The following ALX1 variants were observed in gnomAD, a reference collection of about 807,000 sequenced individuals.
The protein encoded by ALX1 is ALX homeobox protein 1.
A neutral mutation model predicts 31.7 loss-of-function variants in ALX1; 19 were observed. The observed-to-expected ratio is 0.60, with a 90% CI of 0.42 to 0.88. ALX1 has a LOEUF of 0.88. ALX1 is among the 40% of genes least tolerant of loss of function. The pLI, the probability that ALX1 is intolerant of heterozygous loss-of-function variation, is 0.00. For missense variants in ALX1, 415 were observed against 407.8 expected (o/e 1.02, Z -0.15); for synonymous variants, 153 against 148.8 (o/e 1.03, Z -0.20).
At chr12:85,291,886 A>G (rs1488467409) in intron 3 of ALX1, among the ~76,000 whole-genome samples, 2 of 151,028 alleles carry the variant, frequency 1.3e-5, no homozygotes, top group African/African-American at 4.8e-5. Flanking sequence ...CCAGTCAGAG[A>G]GGTGTGGGTT....
chr12:85,294,574 A>G (rs1241504859), intron 3 of ALX1, among the ~76,000 whole-genome samples: 2 of 151,130 alleles, frequency 1.3e-5, no homozygotes, highest in African/African-American at 4.8e-5. Context: ...TATATCTTGG[A>G]CTTGGAGCAT....
At chr12:85,292,916 G>A (rs11116772) in intron 3 of ALX1, among the ~76,000 whole-genome samples, 21,775 of 150,002 alleles carry the variant, frequency 0.15, 3,164 homozygotes, top group African/African-American at 0.37. Context: ...CCAAATATTT[G>A]AAGTAAACAA....
intron 1 of ALX1, among the ~76,000 whole-genome samples, chr12:85,282,868 T>C (rs1270175772): frequency 1.3e-5 from 2 of 151,536 alleles, no homozygotes; most frequent in Non-Finnish European, 2.9e-5. Flanking sequence ...ATATGAAATG[T>C]TTTAAAAAGA....
Position 85,301,507 on chromosome 12 carries a change from G to A in ALX1, c.*32G>A, listed in dbSNP as rs773515091. On this transcript the variant is annotated 3_prime_UTR_variant, in exon 4 of 4. Transcript: ENST00000316824. Reference sequence around the variant, plus strand: ...GTACTCTTTTATTTTTCTTTTAATAGCAAAGTTAAACATTCTTATTTCTCA... The same window carrying A: ...GTACTCTTTTATTTTTCTTTTAATAACAAAGTTAAACATTCTTATTTCTCA... 6.2e-7 allele frequency: 1 copy of A among 1,600,076 alleles called. No homozygotes were observed. The highest frequency in any genetic ancestry group is 1.3e-5 in the African/African-American group (1 of 74,654).
chr12:85,292,123 T>A (rs1220738320), intron 3 of ALX1, among the ~76,000 whole-genome samples: 1 of 151,060 alleles, frequency 6.6e-6, no homozygotes, highest in African/African-American at 2.4e-5. Flanking sequence ...AATTTTGTTC[T>A]AAAGTACCTG....
At chr12:85,297,009 A>T (rs1435034024) in intron 3 of ALX1, among the ~76,000 whole-genome samples, 2 of 151,774 alleles carry the variant, frequency 1.3e-5, no homozygotes, top group Admixed American at 1.3e-4. Flanking sequence ...GTTGACAAAA[A>T]AGTAATAGGC....
rs1263900936 is a variant in ALX1, at chr12:85,280,379, T to C, written c.118T>C (p.Phe40Leu). Residue 40 changes from phenylalanine to leucine, a missense_variant, in exon 1 of 4, where the codon TTT becomes CTT. Physicochemically the swap from Phe to Leu is conservative, Grantham distance 22. This residue lies in a region of ALX1 where 235 missense variants were observed against 208.9 expected (regional missense o/e 1.13). Transcript: ENST00000316824. Reference protein sequence around the residue: ...HVMETLDNESFYSKASAGKCV... With the variant: ...HVMETLDNESLYSKASAGKCV... Reference sequence around the variant, plus strand: ...TATGGAGACGCTGGACAATGAGTCCTTTTACAGCAAAGCGTCTGCAGGCAA... The same window carrying C: ...TATGGAGACGCTGGACAATGAGTCCCTTTACAGCAAAGCGTCTGCAGGCAA... 1.2e-6 allele frequency: 2 copies of C among 1,613,944 alleles called. No homozygotes were observed. The highest frequency in any genetic ancestry group is 1.7e-6 in the Non-Finnish European group (2 of 1,180,026).
intron 1 of ALX1, 137 bp from the exon 2 acceptor site, chr12:85,283,435 G>A (rs1488945137): frequency 1.2e-6 from 1 of 851,868 alleles, no homozygotes; most frequent in Non-Finnish European, 1.9e-6. Context: ...ATAGAAATGT[G>A]GTAATTGAAT....
Position 85,283,768 on chromosome 12 carries a change from T to C in ALX1, c.423T>C (p.Ser141=). Residue 141 remains serine, a synonymous_variant, in exon 2 of 4, where the codon AGT becomes AGC. Coordinates refer to ENST00000316824, the MANE Select transcript of ALX1 (RefSeq NM_006982.3). ...GGAGGCACCGAACCACCTTCACCAG[T>C]TTGCAGCTAGAGGAGCTGGAGAAAG... ...KKRRHRTTFT[S]LQLEELEKVF... 4 of 1,614,042 alleles carry C rather than the reference T, an allele frequency of 2.5e-6. No homozygotes were observed. Among genetic ancestry groups the C allele is most frequent in the Non-Finnish European group, 3.4e-6 (4 of 1,179,994 alleles).
chr12:85,295,823 T>A (rs182237528), intron 3 of ALX1, among the ~76,000 whole-genome samples: 1 of 151,726 alleles, frequency 6.6e-6, no homozygotes, highest in African/African-American at 2.4e-5. Flanking sequence ...GAAGTAGAGT[T>A]AAATAAACTT....
At chr12:85,283,403 C>T (rs982271698) in intron 1 of ALX1, among the ~76,000 whole-genome samples, 169 bp from the exon 2 acceptor site, 1 of 152,136 alleles carries the variant, frequency 6.6e-6, no homozygotes, top group African/African-American at 2.4e-5. Flanking sequence ...GGTATTTAAA[C>T]CTGTCCTACA....
chr12:85,280,275 G>A lies in ALX1; in HGVS notation c.14G>A (p.Ser5Asn). The change falls in exon 1 of 4, where the codon AGC becomes AAC. Residue 5 changes from serine to asparagine, a missense_variant. Around this residue, in one of 3 missense-constraint regions of ALX1, gnomAD observed 235 missense variants for 208.9 expected, o/e 1.13. Transcript: ENST00000316824. MEFL[S>N]EKFALKSPPS... is the part of the protein sequence containing the mutation. ...TCTTCCAGGATTATGGAGTTTCTGA[G>A]CGAGAAGTTTGCCCTCAAGAGCCCT... is the stretch of plus-strand genomic sequence containing the variant. The A allele has an allele frequency of 1.2e-6, 2 of 1,613,338 alleles. No individual in the cohort carries two copies. Among genetic ancestry groups the A allele is most frequent in the African/African-American group, 1.3e-5 (1 of 75,012 alleles).
chr12:85,294,531 G>A (rs914075524), intron 3 of ALX1, among the ~76,000 whole-genome samples: 9 of 151,038 alleles, frequency 6.0e-5, no homozygotes, highest in Non-Finnish European at 1.0e-4. Context: ...TAAGAATACA[G>A]TCAACACCAA....
In ALX1 at chr12:85,301,390, C is replaced by T. The variant is rs1346744337; in HGVS notation, c.896C>T (p.Pro299Leu). The change falls in exon 4 of 4, where the codon CCA (proline) becomes CTA (leucine). Residue 299 changes from proline (P) to leucine (L), a missense_variant. Physicochemically the swap from Pro to Leu is moderately conservative, Grantham distance 98. Transcript: ENST00000316824. Reference protein sequence around the residue: ...ATNGHAFETKPEFERRSSSIA... With the variant: ...ATNGHAFETKLEFERRSSSIA... ...AATGGACATGCATTTGAAACAAAGC[C>T]AGAGTTTGAAAGGAGGTCTTCCAGT... The T allele has an allele frequency of 5.0e-6, 8 of 1,613,934 alleles. No homozygotes were observed. The highest frequency in any genetic ancestry group is 6.8e-6 in the Non-Finnish European group (8 of 1,179,992).
In ALX1 at chr12:85,283,603, G is replaced by C; in HGVS notation, c.258G>C (p.Gln86His). 6.2e-7 allele frequency: 1 copy of C among 1,614,120 alleles called. No individual in the cohort carries two copies. Reference sequence around the variant, plus strand: ...ATGGGATCACTAAAGTAGAAGGACAGCCCCTTCACACCGAACTGAATAGAG... The same window carrying C: ...ATGGGATCACTAAAGTAGAAGGACACCCCCTTCACACCGAACTGAATAGAG... The part of the protein sequence containing the change: ...VNYGITKVEG[Q>H]PLHTELNRAM... Residue 86 changes from glutamine (Q) to histidine (H), a missense_variant, in exon 2 of 4, where the codon CAG (glutamine) becomes CAC (histidine). This residue lies in a region of ALX1 where 235 missense variants were observed against 208.9 expected (regional missense o/e 1.13). Transcript: ENST00000316824.
chr12:85,295,596 C>T (rs953780000), intron 3 of ALX1, among the ~76,000 whole-genome samples: 40 of 151,446 alleles, frequency 2.6e-4, no homozygotes, highest in African/African-American at 9.0e-4. Context: ...AGAGGTATTG[C>T]TATAACATCA....
At chr12:85,283,107 A>C (rs961279535) in intron 1 of ALX1, among the ~76,000 whole-genome samples, 1 of 152,346 alleles carries the variant, frequency 6.6e-6, no homozygotes, top group South Asian at 2.1e-4. Flanking sequence ...GGAGGATAAT[A>C]ACTTTCAGAT....
intron 3 of ALX1, among the ~76,000 whole-genome samples, chr12:85,289,269 A>G (rs1896787097): frequency 6.6e-6 from 1 of 151,220 alleles, no homozygotes; most frequent in African/African-American, 2.4e-5. Context: ...AAAACTTTAT[A>G]CAGCTTTAAG....
At position 85,283,568 on chromosome 12, in the gene ALX1, A is replaced by C; in HGVS notation, c.227-4A>C. On this transcript the variant is annotated splice_region_variant and splice_polypyrimidine_tract_variant and intron_variant, in intron 1 of 3. Coordinates refer to ENST00000316824, the MANE Select transcript of ALX1 (RefSeq NM_006982.3). ...AACTGTTGTTTTTCCTCCTCTGGGT[A>C]CAGTGAACTATGGGATCACTAAAGT... 1 of 1,613,968 alleles carries C rather than the reference A, an allele frequency of 6.2e-7. No individual in the cohort carries two copies. Among genetic ancestry groups the C allele is most frequent in the East Asian group, 2.2e-5 (1 of 44,872 alleles).
Sources: allele counts gnomAD v4.1 joint callset (sites outside exome capture counted in the v4.1 genomes callset), GRCh38; gene constraint gnomAD v4.1.1; regional missense constraint gnomAD v4.1.1; transcripts MANE v1.5; gene names NCBI Gene and HGNC (gene_info 2026-07-23, HGNC 2026-07-21).